SLC25A14: variants seen among roughly 807,000 people sequenced by gnomAD.
SLC25A14 encodes the protein solute carrier family 25 member 14, also known as brain mitochondrial carrier protein 1.
In SLC25A14, 8 loss-of-function variants were observed where a neutral mutation model predicts 28.1. That is an observed-to-expected ratio of 0.28 (90% CI 0.17 to 0.51). The LOEUF (loss-of-function observed/expected upper bound fraction) is 0.51. SLC25A14 is among the 20% of genes least tolerant of loss of function. SLC25A14 has a pLI of 0.97. For synonymous variants in SLC25A14, 74 were observed against 90.6 expected (o/e 0.82, Z 1.04); for missense variants, 135 against 263.8 (o/e 0.51, Z 3.38).
At position 130,340,225 on chromosome X, in the gene SLC25A14, C is replaced by T; in HGVS notation, c.-54C>T. 8.3e-7 allele frequency: 1 copy of T among 1,207,445 alleles called. No homozygotes were observed. The stretch of plus-strand genomic sequence containing the variant: ...TCTTCAGGCGCCTCCCTTCTCTCCA[C>T]GAGCTCGCTCTGACAGCTGAGGAAC... On this transcript the variant is annotated 5_prime_UTR_variant, in exon 2 of 11. It adds an upstream start codon to the 5' untranslated region. Transcript: ENST00000545805.
intron 1 of SLC25A14, 24 bp downstream of exon 1, chrX:130,340,000 C>G (rs1365924729): frequency 1.1e-6 from 1 of 934,618 alleles, no homozygotes; most frequent in African/African-American, 2.0e-5. Context: ...CCTGGACTTC[C>G]AGGCTGGGGA....
intron 7 of SLC25A14, among the ~76,000 whole-genome samples, chrX:130,363,432 G>T (rs1415925293): frequency 1.8e-5 from 2 of 112,301 alleles, no homozygotes; most frequent in Non-Finnish European, 3.8e-5. Context: ...ATACCACATT[G>T]TATTTGTCCC....
intron 7 of SLC25A14, among the ~76,000 whole-genome samples, chrX:130,363,312 G>A (rs996757445): frequency 2.7e-5 from 3 of 112,115 alleles, no homozygotes; most frequent in East Asian, 5.6e-4. Flanking sequence ...GTAGACTTTC[G>A]TGACTGGCTT....
intron 6 of SLC25A14, among the ~76,000 whole-genome samples, chrX:130,356,121 T>C (rs936062415): frequency 4.5e-5 from 5 of 110,994 alleles, no homozygotes; most frequent in Admixed American, 2.9e-4. Context: ...GGCCATTACC[T>C]GAATTGATTG....
intron 9 of SLC25A14, among the ~76,000 whole-genome samples, chrX:130,368,396 C>A (rs1470671953): frequency 2.7e-5 from 3 of 111,541 alleles, no homozygotes; most frequent in Non-Finnish European, 3.8e-5. Flanking sequence ...AGAGGCCCCC[C>A]CACACACACA....
chrX:130,342,465 T>C (rs2033289713), intron 2 of SLC25A14, among the ~76,000 whole-genome samples: 1 of 111,999 alleles, frequency 8.9e-6, no homozygotes, highest in Non-Finnish European at 1.9e-5. Flanking sequence ...ACATCATAGC[T>C]GTCTTTAAAT....
chrX:130,366,317 A>T (rs997859083), intron 9 of SLC25A14, among the ~76,000 whole-genome samples: 7 of 112,558 alleles, frequency 6.2e-5, no homozygotes, highest in Non-Finnish European at 5.6e-5. Flanking sequence ...ACAGCCTGAT[A>T]AGTGATAAAC....
At chrX:130,349,506 T>C (rs2033559611) in intron 5 of SLC25A14, 161 bp downstream of exon 5, 2 of 345,302 alleles carry the variant, frequency 5.8e-6, no homozygotes, top group Non-Finnish European at 1.0e-5. Flanking sequence ...AGAGGTGATA[T>C]ATGAATTAGA....
intron 7 of SLC25A14, among the ~76,000 whole-genome samples, chrX:130,362,783 T>C (rs1333415922): frequency 1.8e-5 from 2 of 112,493 alleles, no homozygotes; most frequent in Non-Finnish European, 1.9e-5. Context: ...TGAGCTGTGA[T>C]AGGAGCATCG....
At chrX:130,365,356 G>T in intron 8 of SLC25A14, 185 bp from the exon 9 acceptor site, 1 of 1,005,382 alleles carries the variant, frequency 9.9e-7, no homozygotes, top group Non-Finnish European at 1.3e-6. Flanking sequence ...AAAATTGAAG[G>T]GACAGCCTTT....
intron 7 of SLC25A14, among the ~76,000 whole-genome samples, chrX:130,363,076 C>T (rs1042434915): frequency 2.7e-5 from 3 of 112,636 alleles, no homozygotes; most frequent in Admixed American, 9.4e-5. Context: ...AATTCACCAT[C>T]TTTAAAGTAT....
At chrX:130,369,726 T>C (rs993710341) in intron 9 of SLC25A14, among the ~76,000 whole-genome samples, 2 of 111,404 alleles carry the variant, frequency 1.8e-5, no homozygotes, top group Admixed American at 9.6e-5. Context: ...AAGCTGGACA[T>C]GTTCAAGGGT....
intron 7 of SLC25A14, 34 bp downstream of exon 7, chrX:130,358,769 C>G: frequency 1.0e-6 from 1 of 958,819 alleles, no homozygotes; most frequent in African/African-American, 1.9e-5. Context: ...ATCCTACACT[C>G]TCAGTTCCTA....
chrX:130,371,237 T>C (rs2034255576), intron 9 of SLC25A14, among the ~76,000 whole-genome samples: 1 of 111,638 alleles, frequency 9.0e-6, no homozygotes, highest in African/African-American at 3.3e-5. Flanking sequence ...GACCAAATAC[T>C]ATGGGGTGGA....
intron 7 of SLC25A14, among the ~76,000 whole-genome samples, chrX:130,364,056 G>C (rs192280397): frequency 2.1e-3 from 235 of 111,924 alleles, no homozygotes; most frequent in African/African-American, 6.9e-3. Context: ...AAGAAAAATC[G>C]TTATAGCCAT....
At chrX:130,360,292 T>C (rs1346527886) in intron 7 of SLC25A14, among the ~76,000 whole-genome samples, 1 of 110,683 alleles carries the variant, frequency 9.0e-6, no homozygotes, top group Non-Finnish European at 1.9e-5. Flanking sequence ...AAACTGTAAA[T>C]AGGGTCCATT....
rs898549437 is a variant in SLC25A14, at chrX:130,340,091, C to T, written c.-172-16C>T. 14 of 1,059,175 alleles carry T rather than the reference C, an allele frequency of 1.3e-5. No individual in the cohort carries two copies. The East Asian group carries it at 4.3e-4, about 32-fold the overall frequency. 87.3% of individuals were successfully genotyped at this position (1,059,175 alleles called of 1,213,427 possible). ...GGGAGGGGCTTAACGGTCCTCTGGT[C>T]TCTCTCTCCCCTCAGCTGAGTCCCT... On this transcript the variant is annotated splice_polypyrimidine_tract_variant and intron_variant, in intron 1 of 10. Coordinates refer to ENST00000545805, the MANE Select transcript of SLC25A14 (RefSeq NM_001282195.2).
chrX:130,370,081 GCTT>G (rs2034227067), intron 9 of SLC25A14, among the ~76,000 whole-genome samples: 1 of 111,465 alleles, frequency 9.0e-6, no homozygotes, highest in South Asian at 3.8e-4. Context: ...TCACATCTGG[GCTT>G]TATTTGGGGT....
intron 7 of SLC25A14, among the ~76,000 whole-genome samples, chrX:130,360,340 G>T (rs770894136): frequency 9.0e-6 from 1 of 110,964 alleles, no homozygotes; most frequent in African/African-American, 3.3e-5. Flanking sequence ...TTTGGTAAGG[G>T]TGCTTCATAG....
Sources: gnomAD v4.1 joint callset for allele counts (sites outside exome capture counted in the v4.1 genomes callset) on GRCh38, gnomAD v4.1.1 for gene constraint, MANE v1.5 for transcripts, NCBI Gene and HGNC (gene_info 2026-07-23, HGNC 2026-07-21) for gene names.